NAV2: variants seen among roughly 807,000 people sequenced by gnomAD.
NAV2 encodes the protein helicase, APC down-regulated 1.
A neutral mutation model predicts 223.2 loss-of-function variants in NAV2; 54 were observed. That is an observed-to-expected ratio of 0.24 (90% CI 0.19 to 0.30). The LOEUF (loss-of-function observed/expected upper bound fraction) is 0.30, where lower values mean the gene tolerates loss of function less well. Among genes scored for constraint, NAV2 ranks in the 10% least tolerant of loss-of-function variants. The probability of loss-of-function intolerance (pLI) is 1.00; values close to 1 mark genes in which losing one functional copy is unlikely to be tolerated. For synonymous variants in NAV2, 1,279 were observed against 1,239.3 expected (o/e 1.03, Z -0.67); for missense variants, 2,806 against 3,147.5 (o/e 0.89, Z 2.60).
chr11:19,467,851 G>T (rs533198269), intron 1 of NAV2, among the ~76,000 whole-genome samples: 2 of 152,222 alleles, frequency 1.3e-5, no homozygotes, highest in African/African-American at 4.8e-5. Flanking sequence ...GGCAGTGGAG[G>T]CTGGGCTTAA....
chr11:20,111,826 G>T (rs148806566), intron 36 of NAV2, among the ~76,000 whole-genome samples: 2 of 152,216 alleles, frequency 1.3e-5, no homozygotes, highest in African/African-American at 4.8e-5. Context: ...TTTCAGGCTG[G>T]TTTCTATGAA....
chr11:19,777,973 T>A, intron 1 of NAV2: 1 of 455,478 alleles, frequency 2.2e-6, no homozygotes, highest in Non-Finnish European at 4.4e-6. Context: ...GGGGAATACA[T>A]GAGCCCCGAG....
At chr11:19,936,662 T>C (rs1457017363) in intron 7 of NAV2, among the ~76,000 whole-genome samples, 2 of 152,192 alleles carry the variant, frequency 1.3e-5, no homozygotes, top group African/African-American at 4.8e-5. Flanking sequence ...CTTGGTGCCC[T>C]CTGAGGTCTT....
intron 10 of NAV2, among the ~76,000 whole-genome samples, chr11:19,954,336 A>G (rs1007570566): frequency 5.3e-5 from 8 of 152,138 alleles, no homozygotes; most frequent in Non-Finnish European, 1.2e-4. Flanking sequence ...TACTCCATCA[A>G]CAAATATGGG....
intron 1 of NAV2, among the ~76,000 whole-genome samples, chr11:19,483,877 A>C (rs1436834417): frequency 6.6e-6 from 1 of 152,124 alleles, no homozygotes; most frequent in Non-Finnish European, 1.5e-5. Flanking sequence ...CACAGAGGTA[A>C]AATGACATGC....
intron 1 of NAV2, among the ~76,000 whole-genome samples, chr11:19,788,987 T>C (rs2057337146): frequency 6.6e-6 from 1 of 152,128 alleles, no homozygotes; most frequent in South Asian, 2.1e-4. Flanking sequence ...TATTGCTGGC[T>C]CTCATGAGGG....
chr11:19,993,278 C>T (rs117302308), intron 11 of NAV2, among the ~76,000 whole-genome samples: 1 of 152,290 alleles, frequency 6.6e-6, no homozygotes, highest in Non-Finnish European at 1.5e-5. Context: ...ATCATTCTCA[C>T]TCTGGGATCC....
intron 1 of NAV2, among the ~76,000 whole-genome samples, chr11:19,658,532 C>T (rs948297328): frequency 6.6e-6 from 1 of 152,070 alleles, no homozygotes; most frequent in African/African-American, 2.4e-5. Context: ...TCCATGCCAC[C>T]TGGTGGAAGG....
intron 37 of NAV2, among the ~76,000 whole-genome samples, chr11:20,116,753 C>T (rs747006914): frequency 6.6e-6 from 1 of 152,182 alleles, no homozygotes; most frequent in African/African-American, 2.4e-5. Flanking sequence ...CTTCCATTAC[C>T]GAGTTAGATA....
chr11:20,110,568 G>T (rs991665162), intron 36 of NAV2, among the ~76,000 whole-genome samples: 2 of 152,052 alleles, frequency 1.3e-5, no homozygotes, highest in African/African-American at 4.8e-5. Context: ...AGTGCGTGTT[G>T]GTGCCCAGGA....
intron 1 of NAV2, among the ~76,000 whole-genome samples, chr11:19,428,368 C>T (rs1363528967): frequency 6.6e-6 from 1 of 152,118 alleles, no homozygotes; most frequent in African/African-American, 2.4e-5. Context: ...GGAAATTTTG[C>T]CAGCTGCAAA....
chr11:19,867,309 G>A (rs1324662452), intron 3 of NAV2, among the ~76,000 whole-genome samples: 1 of 152,152 alleles, frequency 6.6e-6, no homozygotes, highest in African/African-American at 2.4e-5. Context: ...AGGCTCCTGT[G>A]TATAACAGGG....
intron 19 of NAV2, among the ~76,000 whole-genome samples, chr11:20,059,931 C>T (rs750729416): frequency 3.3e-5 from 5 of 152,154 alleles, no homozygotes; most frequent in South Asian, 2.1e-4. Context: ...TGAAGGAGGC[C>T]GAACTGCAAT....
At chr11:19,736,897 C>A (rs955312807) in intron 1 of NAV2, among the ~76,000 whole-genome samples, 1 of 152,204 alleles carries the variant, frequency 6.6e-6, no homozygotes, top group Non-Finnish European at 1.5e-5. Flanking sequence ...CCTGGCAAAC[C>A]TTTTCTGAGG....
intron 11 of NAV2, among the ~76,000 whole-genome samples, chr11:20,023,597 T>C (rs954115114): frequency 2.0e-5 from 3 of 152,116 alleles, no homozygotes; most frequent in Admixed American, 2.0e-4. Flanking sequence ...GGGCTGCTTG[T>C]GGTTCAGAGG....
chr11:19,461,547 T>C (rs1852160786), intron 1 of NAV2, among the ~76,000 whole-genome samples: 1 of 152,200 alleles, frequency 6.6e-6, no homozygotes, highest in African/African-American at 2.4e-5. Flanking sequence ...CTGCTGTTAA[T>C]TGAGAACCTG....
chr11:19,473,095 C>T (rs1004517331), intron 1 of NAV2, among the ~76,000 whole-genome samples: 7 of 152,266 alleles, frequency 4.6e-5, no homozygotes, highest in African/African-American at 1.7e-4. Context: ...CAGACCCATA[C>T]AGCTTCTTTA....
At position 19,675,786 on chromosome 11, in the gene NAV2, C is replaced by T. The variant is rs1275885202; in HGVS notation, c.76-156698C>T. Among the ~76,000 whole-genome samples, 8 of 152,276 alleles carry T rather than the reference C, an allele frequency of 5.3e-5. No individual in the cohort carries two copies. The East Asian group carries it at 1.5e-3, about 29-fold the overall frequency. ...GTTAGCCTCAGAGTTGCTCAAGTCCCCTCGAAACTAATTGATATTTGTACA... is the reference window on the plus strand; with the variant it reads ...GTTAGCCTCAGAGTTGCTCAAGTCCTCTCGAAACTAATTGATATTTGTACA... On this transcript the variant is annotated intron_variant, in intron 1 of 37. Coordinates refer to the NAV2 transcript ENST00000360655.
chr11:19,534,583 A>C (rs555555666), intron 1 of NAV2, among the ~76,000 whole-genome samples: 2 of 152,232 alleles, frequency 1.3e-5, no homozygotes, highest in Admixed American at 1.3e-4. Flanking sequence ...AGTTTGAGGA[A>C]AGGAGGATCA....
Sources: allele counts gnomAD v4.1 joint callset (sites outside exome capture counted in the v4.1 genomes callset), GRCh38; gene constraint gnomAD v4.1.1; transcripts MANE v1.5; gene names NCBI Gene and HGNC (gene_info 2026-07-23, HGNC 2026-07-21).